Variants in CTDP1 observed in about 807,000 individuals in gnomAD.
CTDP1 encodes the protein RNA polymerase II subunit A C-terminal domain phosphatase.
CTDP1 carries 47 observed loss-of-function variants against 91.8 expected under a neutral mutation model. The ratio of observed to expected loss-of-function variants is 0.51; its 90% CI spans 0.41 to 0.65. The LOEUF (loss-of-function observed/expected upper bound fraction) is 0.65, where lower values mean the gene tolerates loss of function less well. Among genes scored for constraint, CTDP1 ranks in the 30% least tolerant of loss-of-function variants. The probability of loss-of-function intolerance (pLI) is 0.00; values close to 1 mark genes in which losing one functional copy is unlikely to be tolerated. For synonymous variants in CTDP1, 656 were observed against 598.5 expected (o/e 1.10, Z -1.40); for missense variants, 1,272 against 1,373.7 (o/e 0.93, Z 1.17).
chr18:79,710,792 C>T (rs975094111), intron 6 of CTDP1, among the ~76,000 whole-genome samples: 3 of 151,228 alleles, frequency 2.0e-5, no homozygotes, highest in East Asian at 1.9e-4. Flanking sequence ...GTGATCTTCC[C>T]GCCTCAGCCT....
intron 1 of CTDP1, among the ~76,000 whole-genome samples, chr18:79,686,713 C>T (rs1316429702): frequency 6.6e-6 from 1 of 152,272 alleles, no homozygotes; most frequent in East Asian, 1.9e-4. Context: ...TTTGTGCTGA[C>T]TATAGACTGG....
At position 79,679,998 on chromosome 18, in the gene CTDP1, G is replaced by C; in HGVS notation, c.51G>C (p.Ala17=). ...TTCCTGCCGAGGGCGCCCCGACGGC[G>C]GCTGTGGCCGAGGTGCGCTGCCCGG... ...GRVPAEGAPT[A]AVAEVRCPGP... The change falls in exon 1 of 13, where the codon GCG becomes GCC. Residue 17 remains alanine (A), a synonymous_variant. Transcript: ENST00000613122. 3.8e-6 allele frequency: 5 copies of C among 1,330,090 alleles called. No homozygotes were observed. Among genetic ancestry groups the C allele is most frequent in the Non-Finnish European group, 1.9e-6 (2 of 1,039,276 alleles). The allele number at this position is 1,330,090 out of a possible 1,614,324, so 82.4% of individuals were successfully genotyped here.
chr18:79,710,546 G>A lies in CTDP1; in HGVS notation c.863+110G>A, dbSNP rs774748432. 435 of 859,032 alleles carry A rather than the reference G, an allele frequency of 5.1e-4. 2 individuals are homozygous for A. The highest frequency in any genetic ancestry group is 1.1e-3 in the South Asian group (84 of 74,330). The allele number at this position is 859,032 out of a possible 1,614,324, so 53.2% of individuals were successfully genotyped here. Reference sequence around the variant, plus strand: ...TTCTTTTTTTCTTTTTTTTTGAGACGGAGTCTTGCTGTTGCCCAGGCTAGA... The same window carrying A: ...TTCTTTTTTTCTTTTTTTTTGAGACAGAGTCTTGCTGTTGCCCAGGCTAGA... On this transcript the variant is annotated intron_variant, in intron 6 of 12. Transcript: ENST00000613122.
At position 79,679,981 on chromosome 18, in the gene CTDP1, G is replaced by A; in HGVS notation, c.34G>A (p.Glu12Lys). The stretch of plus-strand genomic sequence containing the variant: ...GCCGGCCGCGGGTCGCGTTCCTGCC[G>A]AGGGCGCCCCGACGGCGGCTGTGGC... ...EVPAAGRVPAEGAPTAAVAEV... is the reference protein window; with the variant it reads ...EVPAAGRVPAKGAPTAAVAEV... The change falls in exon 1 of 13, where the codon GAG (glutamate) becomes AAG (lysine). Residue 12 changes from glutamate (E) to lysine (K), a missense_variant. Transcript: ENST00000613122. 1 of 1,355,026 alleles carries A rather than the reference G, an allele frequency of 7.4e-7. No homozygotes were observed. The highest frequency in any genetic ancestry group is 3.3e-5 in the East Asian group (1 of 30,346). 83.9% of individuals were successfully genotyped at this position (1,355,026 alleles called of 1,614,324 possible). A position where few individuals can be genotyped will look rare whatever the true frequency, so the allele number is the denominator to read the frequency against.
chr18:79,721,328 G>A (rs1285766159), intron 10 of CTDP1, among the ~76,000 whole-genome samples: 6 of 152,152 alleles, frequency 3.9e-5, no homozygotes, highest in Admixed American at 3.9e-4. Flanking sequence ...AGAACAGCAG[G>A]GCGGAACCTG....
At chr18:79,690,295 C>T (rs2085593283) in intron 1 of CTDP1, among the ~76,000 whole-genome samples, 4 of 152,166 alleles carry the variant, frequency 2.6e-5, no homozygotes, top group African/African-American at 9.7e-5. Flanking sequence ...GCCAGAACCC[C>T]ACAGAGTTTG....
chr18:79,680,645 A>G (rs922642022), intron 1 of CTDP1, among the ~76,000 whole-genome samples: 8 of 152,220 alleles, frequency 5.3e-5, no homozygotes, highest in Admixed American at 2.6e-4. Context: ...ATTGAAATAT[A>G]AACTGTTGGG....
At chr18:79,738,233 C>T (rs538114646) in intron 12 of CTDP1, among the ~76,000 whole-genome samples, 204 of 152,328 alleles carry the variant, frequency 1.3e-3, no homozygotes, top group African/African-American at 3.7e-3. Flanking sequence ...TCTTCAGCTC[C>T]GGGGCTGCTC....
intron 12 of CTDP1, among the ~76,000 whole-genome samples, chr18:79,737,225 C>G (rs934326164): frequency 3.9e-5 from 6 of 152,196 alleles, no homozygotes; most frequent in African/African-American, 1.4e-4. Context: ...TCTGCATTGC[C>G]GTGAAAGGTA....
intron 4 of CTDP1, among the ~76,000 whole-genome samples, chr18:79,700,747 C>T (rs2085841062): frequency 6.6e-6 from 1 of 152,218 alleles, no homozygotes; most frequent in Non-Finnish European, 1.5e-5. Flanking sequence ...ACAAAACAGC[C>T]TTCTGTTGGA....
intron 12 of CTDP1, among the ~76,000 whole-genome samples, chr18:79,742,178 GC>G (rs1311443708): frequency 3.1e-4 from 26 of 83,770 alleles, no homozygotes; most frequent in East Asian, 5.1e-4. Flanking sequence ...GAAGCATGAA[GC>G]ATGAGAGAGA....
chr18:79,731,882 CACTA>C (rs1259840280), intron 11 of CTDP1, among the ~76,000 whole-genome samples: 6 of 152,016 alleles, frequency 3.9e-5, no homozygotes, highest in African/African-American at 7.3e-5. Context: ...TGTAAGAACT[CACTA>C]ACATCAGGAG....
chr18:79,733,185 G>A (rs1343783242), intron 11 of CTDP1, among the ~76,000 whole-genome samples: 3 of 152,234 alleles, frequency 2.0e-5, no homozygotes, highest in African/African-American at 7.2e-5. Context: ...ACGGGTGTGC[G>A]TTTGTCGTGT....
intron 11 of CTDP1, among the ~76,000 whole-genome samples, chr18:79,734,875 C>CCAG (rs2086635261): frequency 6.6e-6 from 1 of 152,196 alleles, no homozygotes; most frequent in Admixed American, 6.5e-5. Context: ...CCATTCCATG[C>CCAG]CAGCGTCCCT....
chr18:79,713,158 A>AT lies in CTDP1; in HGVS notation c.1030+22dup. ...AGAAAGGTGGGTAACCTCCTTCCTG[A>AT]TTCTCTAGAAGAATTCACATTTGCT... is the stretch of plus-strand genomic sequence containing the variant. On this transcript the variant is annotated intron_variant, in intron 7 of 12. Coordinates refer to ENST00000613122, the MANE Select transcript of CTDP1 (RefSeq NM_004715.5). The surrounding 1 kb of genome is among the most constrained non-coding windows in gnomAD (Gnocchi z 4.7). The AT allele has an allele frequency of 6.2e-7, 1 of 1,610,908 alleles. No individual in the cohort carries two copies. The highest frequency in any genetic ancestry group is 1.1e-5 in the South Asian group (1 of 90,820).
chr18:79,723,673 C>T (rs1204603012), intron 10 of CTDP1, among the ~76,000 whole-genome samples: 1 of 152,136 alleles, frequency 6.6e-6, no homozygotes, highest in Admixed American at 6.5e-5. Flanking sequence ...CCTGTGGTTG[C>T]CTCTTGTGAA....
chr18:79,704,640 GT>G (rs2085929088), intron 4 of CTDP1, 126 bp from the exon 5 acceptor site: 1 of 1,292,608 alleles, frequency 7.7e-7, no homozygotes, highest in Non-Finnish European at 1.1e-6. Context: ...GGGCACACGC[GT>G]GTCTTCAGAA....
chr18:79,756,622 T>TG (rs1234616305), downstream of CTDP1: 1 of 152,272 alleles, frequency 6.6e-6, no homozygotes, highest in Non-Finnish European at 1.5e-5. Flanking sequence ...AGAAGAAACT[T>TG]GAACTTGCTT....
intron 11 of CTDP1, 180 bp from the exon 12 acceptor site, chr18:79,736,175 C>T (rs1011086545): frequency 2.7e-6 from 2 of 748,226 alleles, no homozygotes; most frequent in African/African-American, 3.5e-5. Context: ...GCGTCTTTTG[C>T]CCGGGGCTTT....
Sources: gnomAD v4.1 joint callset for allele counts (sites outside exome capture counted in the v4.1 genomes callset) on GRCh38, gnomAD v4.1.1 for gene constraint, Gnocchi (gnomAD v3.1) non-coding constraint, MANE v1.5 for transcripts, NCBI Gene and HGNC (gene_info 2026-07-23, HGNC 2026-07-21) for gene names.